RIMS2: variants seen among roughly 807,000 people sequenced by gnomAD.
RIMS2 encodes regulating synaptic membrane exocytosis protein 2.
In RIMS2, 59 loss-of-function variants were observed where a neutral mutation model predicts 174.4. That is an observed-to-expected ratio of 0.34 (90% CI 0.27 to 0.42). The LOEUF (loss-of-function observed/expected upper bound fraction) is 0.42. Among genes scored for constraint, RIMS2 ranks in the 10% least tolerant of loss-of-function variants. RIMS2 has a pLI of 1.00. For missense variants in RIMS2, 1,620 were observed against 1,666.3 expected, an observed-to-expected ratio of 0.97 and a Z score of 0.48; for synonymous variants, 606 against 572.5, an observed-to-expected ratio of 1.06 and a Z score of -0.84.
intron 1 of RIMS2, among the ~76,000 whole-genome samples, chr8:103,607,368 T>A (rs997552470): frequency 1.5e-4 from 23 of 152,184 alleles, no homozygotes; most frequent in African/African-American, 5.1e-4. Flanking sequence ...TGCTGAGAGA[T>A]CCGCTGTTAG....
chr8:104,211,239 T>C (rs1015492910), intron 19 of RIMS2, among the ~76,000 whole-genome samples: 2 of 152,098 alleles, frequency 1.3e-5, no homozygotes, highest in Non-Finnish European at 2.9e-5. Flanking sequence ...TTTATAAATA[T>C]ACCTTGCAAT....
chr8:103,549,683 A>C (rs1846764632), intron 1 of RIMS2, among the ~76,000 whole-genome samples: 1 of 152,216 alleles, frequency 6.6e-6, no homozygotes, highest in South Asian at 2.1e-4. Context: ...GGCAAATTGG[A>C]TGAAGAGTCA....
intron 1 of RIMS2, among the ~76,000 whole-genome samples, chr8:103,665,547 C>T (rs1317672751): frequency 6.6e-6 from 1 of 152,150 alleles, no homozygotes; most frequent in Non-Finnish European, 1.5e-5. Context: ...CTGACCTATT[C>T]AAGATAGGTT....
chr8:103,978,986 A>G (rs978341473), intron 16 of RIMS2, among the ~76,000 whole-genome samples: 1 of 152,240 alleles, frequency 6.6e-6, no homozygotes, highest in African/African-American at 2.4e-5. Flanking sequence ...AAACTTGTTA[A>G]AAAGTAAACC....
In RIMS2 at chr8:103,654,173, T is replaced by C. The variant is rs186849275; in HGVS notation, c.177-42913T>C. ...TGGTTTTAAATGACTTCAGTTAATG[T>C]ATCTTGTGTGTGAGGTTTTGAAAAT... On this transcript the variant is annotated intron_variant, in intron 1 of 23. Coordinates refer to ENST00000504942, the Ensembl canonical transcript of RIMS2. Among the ~76,000 whole-genome samples, 10 of 152,138 alleles carry C rather than the reference T, an allele frequency of 6.6e-5. No homozygotes were observed. In the East Asian group the frequency reaches 1.9e-3, roughly 29 times the overall value.
chr8:103,640,126 A>C (rs1453168490), intron 1 of RIMS2, among the ~76,000 whole-genome samples: 1 of 151,884 alleles, frequency 6.6e-6, no homozygotes, highest in Non-Finnish European at 1.5e-5. Context: ...GCATTGGTAC[A>C]TTGTTTCTTT....
intron 3 of RIMS2, among the ~76,000 whole-genome samples, chr8:103,833,682 C>T (rs1418556631): frequency 1.3e-5 from 2 of 151,832 alleles, no homozygotes; most frequent in African/African-American, 4.8e-5. Flanking sequence ...ATATTTTGTT[C>T]TAAAATTTCC....
chr8:104,044,286 G>A (rs1322835022), intron 19 of RIMS2, among the ~76,000 whole-genome samples: 1 of 151,498 alleles, frequency 6.6e-6, no homozygotes, highest in African/African-American at 2.4e-5. Context: ...TGACAGTACC[G>A]ACTGGAAAAT....
chr8:103,670,121 G>T (rs1228447906), intron 1 of RIMS2, among the ~76,000 whole-genome samples: 1 of 152,198 alleles, frequency 6.6e-6, no homozygotes, highest in Admixed American at 6.5e-5. Flanking sequence ...ACACCCTCAG[G>T]CTCAACACCA....
At chr8:103,825,426 T>G (rs1232532973) in intron 3 of RIMS2, among the ~76,000 whole-genome samples, 1 of 150,432 alleles carries the variant, frequency 6.6e-6, no homozygotes, top group Admixed American at 6.7e-5. Flanking sequence ...ACCACAGGCA[T>G]GTGCCACAAT....
intron 19 of RIMS2, among the ~76,000 whole-genome samples, chr8:104,103,655 A>G (rs2097957240): frequency 2.0e-5 from 3 of 151,538 alleles, no homozygotes; most frequent in Admixed American, 1.3e-4. Flanking sequence ...TGAATAAAAC[A>G]CAGACCTTAT....
At chr8:103,831,577 C>T (rs2098826242) in intron 3 of RIMS2, among the ~76,000 whole-genome samples, 1 of 152,170 alleles carries the variant, frequency 6.6e-6, no homozygotes. Context: ...GCTTCCTTTG[C>T]TTTTTGCTTT....
At chr8:103,687,465 T>C (rs989204176) in intron 1 of RIMS2, among the ~76,000 whole-genome samples, 12 of 152,148 alleles carry the variant, frequency 7.9e-5, no homozygotes, top group African/African-American at 2.9e-4. Flanking sequence ...AGTCTGTATA[T>C]ATTGTGGAAT....
chr8:103,511,728 T>C (rs1826518801), intron 1 of RIMS2, among the ~76,000 whole-genome samples: 1 of 152,214 alleles, frequency 6.6e-6, no homozygotes, highest in African/African-American at 2.4e-5. Flanking sequence ...GACAGTATGT[T>C]AGGATAGACT....
intron 1 of RIMS2, among the ~76,000 whole-genome samples, chr8:103,514,875 G>C (rs1477690928): frequency 6.6e-6 from 1 of 151,224 alleles, no homozygotes; most frequent in East Asian, 1.9e-4. Context: ...TTCAGCCTGG[G>C]CAACAGGGCA....
chr8:103,575,586 G>A (rs2093156792), intron 1 of RIMS2, among the ~76,000 whole-genome samples: 1 of 150,642 alleles, frequency 6.6e-6, no homozygotes, highest in African/African-American at 2.4e-5. Flanking sequence ...AGTGAAGCTG[G>A]CTGCACTCCC....
chr8:103,932,484 T>C (rs1218093507), intron 12 of RIMS2, among the ~76,000 whole-genome samples: 1 of 152,234 alleles, frequency 6.6e-6, no homozygotes, highest in Non-Finnish European at 1.5e-5. Context: ...GTTTGCTATA[T>C]AATTTTATCT....
intron 4 of RIMS2, among the ~76,000 whole-genome samples, chr8:103,893,289 A>G (rs926117688): frequency 6.6e-6 from 1 of 152,098 alleles, no homozygotes. Context: ...TTAACTGCAT[A>G]TATGGTAGTT....
At chr8:104,019,671 C>G (rs1011648293) in intron 19 of RIMS2, among the ~76,000 whole-genome samples, 3 of 152,136 alleles carry the variant, frequency 2.0e-5, no homozygotes, top group Non-Finnish European at 4.4e-5. Context: ...TGCTTTGGTT[C>G]TGAATATCTA....
Sources: gnomAD v4.1 joint callset for allele counts (sites outside exome capture counted in the v4.1 genomes callset) on GRCh38, gnomAD v4.1.1 for gene constraint, MANE v1.5 for transcripts, NCBI Gene and HGNC (gene_info 2026-07-23, HGNC 2026-07-21) for gene names.